The following COL26A1 variants were observed in gnomAD, a reference collection of about 807,000 sequenced individuals.
The protein encoded by COL26A1 is collagen type XXVI alpha 1 chain.
COL26A1 carries 41 observed loss-of-function variants against 59.3 expected under a neutral mutation model. The ratio of observed to expected loss-of-function variants is 0.69; its 90% confidence interval spans 0.54 to 0.90. The LOEUF is 0.90. Among genes scored for constraint, COL26A1 ranks in the 40% least tolerant of loss-of-function variants. COL26A1 has a pLI of 0.00. For missense variants in COL26A1, 612 were observed against 602.3 expected, an observed-to-expected ratio of 1.02 and a Z score of -0.17; for synonymous variants, 266 against 256.0, an observed-to-expected ratio of 1.04 and a Z score of -0.37.
intron 9 of COL26A1, among the ~76,000 whole-genome samples, chr7:101,549,996 T>G (rs978985095): frequency 6.6e-6 from 1 of 152,168 alleles, no homozygotes; most frequent in Non-Finnish European, 1.5e-5. Context: ...ACAAAGGCCC[T>G]GAGGCAGGGA....
intron 1 of COL26A1, among the ~76,000 whole-genome samples, chr7:101,404,843 A>G (rs1289361274): frequency 1.3e-5 from 2 of 152,214 alleles, no homozygotes; most frequent in Non-Finnish European, 2.9e-5. Context: ...CAGAGGTTGC[A>G]GTGAGCTGTG....
At chr7:101,381,041 T>C (rs1791437119) in intron 1 of COL26A1, among the ~76,000 whole-genome samples, 1 of 152,212 alleles carries the variant, frequency 6.6e-6, no homozygotes, top group Non-Finnish European at 1.5e-5. Flanking sequence ...CTGTGTTAGA[T>C]TCGTTTTGCT....
chr7:101,452,549 T>C (rs1169969160), intron 3 of COL26A1, among the ~76,000 whole-genome samples: 5 of 152,132 alleles, frequency 3.3e-5, no homozygotes, highest in Admixed American at 6.6e-5. Flanking sequence ...GATTTGTCTT[T>C]ATGGGAACAC....
At chr7:101,541,861 G>A (rs1265803806) in intron 5 of COL26A1, among the ~76,000 whole-genome samples, 1 of 152,136 alleles carries the variant, frequency 6.6e-6, no homozygotes, top group Non-Finnish European at 1.5e-5. Context: ...TGTCTATAAG[G>A]CTGAATCCAG....
chr7:101,425,798 T>A (rs992410132), intron 2 of COL26A1, among the ~76,000 whole-genome samples: 2 of 149,894 alleles, frequency 1.3e-5, no homozygotes, highest in South Asian at 2.1e-4. Flanking sequence ...TGAGCCACCA[T>A]GCCCGGCCCC....
intron 1 of COL26A1, among the ~76,000 whole-genome samples, chr7:101,382,543 C>T (rs1032060909): frequency 2.6e-5 from 4 of 152,148 alleles, no homozygotes; most frequent in African/African-American, 9.7e-5. Flanking sequence ...GTGCCAAAAC[C>T]ACAGTTCTGT....
intron 1 of COL26A1, among the ~76,000 whole-genome samples, chr7:101,417,375 C>CTTT (rs71106526): frequency 2.9e-5 from 4 of 139,146 alleles, no homozygotes; most frequent in Non-Finnish European, 6.2e-5. Flanking sequence ...AGGTCACAAG[C>CTTT]TTTTTTTTTT....
At chr7:101,524,408 A>G (rs931367201) in intron 3 of COL26A1, among the ~76,000 whole-genome samples, 1 of 152,224 alleles carries the variant, frequency 6.6e-6, no homozygotes, top group Non-Finnish European at 1.5e-5. Context: ...ACCTACAGCC[A>G]GAAAATGCTC....
chr7:101,423,320 A>G (rs1584395013), intron 2 of COL26A1, among the ~76,000 whole-genome samples: 1 of 152,158 alleles, frequency 6.6e-6, no homozygotes, highest in South Asian at 2.1e-4. Context: ...CTATAAGAAA[A>G]GCTGGACAAG....
chr7:101,436,719 A>AT (rs112704337), intron 2 of COL26A1, among the ~76,000 whole-genome samples: 403 of 140,432 alleles, frequency 2.9e-3, no homozygotes, highest in Middle Eastern at 7.2e-3. Context: ...CCAGCATTTC[A>AT]TTTTTTTTTT....
intron 2 of COL26A1, among the ~76,000 whole-genome samples, chr7:101,439,054 C>T (rs953388467): frequency 6.6e-6 from 1 of 152,156 alleles, no homozygotes; most frequent in Non-Finnish European, 1.5e-5. Flanking sequence ...GTGAGGGGCT[C>T]GCCCACCTTC....
chr7:101,533,102 C>G lies in COL26A1; in HGVS notation c.406C>G (p.Leu136Val). 2 of 1,608,166 alleles carry G rather than the reference C, an allele frequency of 1.2e-6. No individual in the cohort carries two copies. Among genetic ancestry groups the G allele is most frequent in the Non-Finnish European group, 1.7e-6 (2 of 1,178,022 alleles). Residue 136 changes from leucine to valine, a missense_variant, in exon 4 of 13, where the codon CTC (leucine) becomes GTC (valine). Coordinates refer to ENST00000313669, the MANE Select transcript of COL26A1 (RefSeq NM_001278563.3). ...TTCAGAATGCATGAACTGCACCCGG[C>G]TCAGTGACATGAGTGAGCGACTGAC... ...CDEECMNCTRLSDMSERLTTL... is the reference protein window; with the variant it reads ...CDEECMNCTRVSDMSERLTTL...
intron 4 of COL26A1, among the ~76,000 whole-genome samples, chr7:101,533,357 G>T (rs536534432): frequency 6.6e-6 from 1 of 152,198 alleles, no homozygotes; most frequent in South Asian, 2.1e-4. Context: ...CAGCAGGCTG[G>T]TTTTGGGCAG....
At chr7:101,368,172 G>A (rs532917456) in intron 1 of COL26A1, among the ~76,000 whole-genome samples, 4 of 152,170 alleles carry the variant, frequency 2.6e-5, no homozygotes, top group Non-Finnish European at 2.9e-5. Flanking sequence ...CTCCTCCTTC[G>A]TTTTCTATTT....
At chr7:101,555,667 G>A in intron 11 of COL26A1, 120 bp from the exon 12 acceptor site, 1 of 640,404 alleles carries the variant, frequency 1.6e-6, no homozygotes. Flanking sequence ...TGGTGAGGGT[G>A]TCGGGTGGGA....
intron 3 of COL26A1, among the ~76,000 whole-genome samples, chr7:101,483,323 A>G (rs28693638): frequency 0.52 from 78,318 of 150,258 alleles, 21,921 homozygotes; most frequent in African/African-American, 0.73. Context: ...TCAGTCGCCC[A>G]AGTAGCTGGG....
chr7:101,407,857 C>G (rs549326838), intron 1 of COL26A1, among the ~76,000 whole-genome samples: 2 of 152,224 alleles, frequency 1.3e-5, no homozygotes, highest in South Asian at 4.1e-4. Context: ...ACCACTTAAT[C>G]ATATGCAAAT....
chr7:101,484,787 C>T (rs1227637347), intron 3 of COL26A1, among the ~76,000 whole-genome samples: 3 of 151,606 alleles, frequency 2.0e-5, no homozygotes, highest in African/African-American at 4.9e-5. Context: ...CTCAGCCTCC[C>T]GAGTAGCTAG....
chr7:101,518,255 G>A (rs995522154), intron 3 of COL26A1, among the ~76,000 whole-genome samples: 7 of 152,158 alleles, frequency 4.6e-5, no homozygotes, highest in Non-Finnish European at 7.3e-5. Flanking sequence ...TTGACCAGTG[G>A]GTGCTACAGG....
Sources: allele counts gnomAD v4.1 joint callset (sites outside exome capture counted in the v4.1 genomes callset), GRCh38; gene constraint gnomAD v4.1.1; transcripts MANE v1.5; gene names NCBI Gene and HGNC (gene_info 2026-07-23, HGNC 2026-07-21).